ATP8A2: variants seen among roughly 807,000 people sequenced by gnomAD.
ATP8A2 encodes the protein phospholipid-transporting ATPase IB.
ATP8A2 carries 100 observed loss-of-function variants against 165.6 expected under a neutral mutation model. That is an observed-to-expected ratio of 0.60 (90% CI 0.51 to 0.71). The LOEUF (loss-of-function observed/expected upper bound fraction) is 0.71. Ranked by LOEUF, ATP8A2 falls within the 30% of genes least tolerant of loss-of-function variation. The probability of loss-of-function intolerance (pLI) is 0.00; values close to 1 mark genes in which losing one functional copy is unlikely to be tolerated. For missense variants in ATP8A2, 1,227 were observed against 1,479.5 expected, an observed-to-expected ratio of 0.83 and a Z score of 2.80; for synonymous variants, 543 against 548.8, an observed-to-expected ratio of 0.99 and a Z score of 0.15.
chr13:25,689,295 T>C (rs1360331806), intron 24 of ATP8A2, among the ~76,000 whole-genome samples: 1 of 152,226 alleles, frequency 6.6e-6, no homozygotes, highest in African/African-American at 2.4e-5. Flanking sequence ...CTGCCTATGC[T>C]GACAGAACAT....
At chr13:25,890,813 G>A (rs1279350296) in intron 33 of ATP8A2, among the ~76,000 whole-genome samples, 1 of 152,178 alleles carries the variant, frequency 6.6e-6, no homozygotes, top group African/African-American at 2.4e-5. Context: ...CTGTGTTTAA[G>A]TTCTTTGGAA....
intron 1 of ATP8A2, among the ~76,000 whole-genome samples, chr13:25,440,208 A>G (rs1410225104): frequency 6.6e-6 from 1 of 152,168 alleles, no homozygotes; most frequent in African/African-American, 2.4e-5. Flanking sequence ...CACAGGCTCT[A>G]GGAATGAATC....
chr13:25,425,209 A>G (rs9553614), intron 1 of ATP8A2, among the ~76,000 whole-genome samples: 63,452 of 151,988 alleles, frequency 0.42, 14,289 homozygotes, highest in East Asian at 0.59. Context: ...TTATACTATC[A>G]TTAGAGCACT....
intron 24 of ATP8A2, among the ~76,000 whole-genome samples, chr13:25,660,814 G>A (rs1041036168): frequency 2.6e-5 from 4 of 152,072 alleles, no homozygotes; most frequent in Non-Finnish European, 2.9e-5. Flanking sequence ...AATACTATAC[G>A]TGGAAATGCT....
chr13:25,848,432 G>A (rs1439280600), intron 30 of ATP8A2, among the ~76,000 whole-genome samples: 1 of 152,196 alleles, frequency 6.6e-6, no homozygotes. Context: ...GGGGTGCTGG[G>A]GGATATCACT....
At chr13:25,492,885 T>C (rs1307190143) in intron 2 of ATP8A2, among the ~76,000 whole-genome samples, 1 of 152,108 alleles carries the variant, frequency 6.6e-6, no homozygotes, top group Non-Finnish European at 1.5e-5. Flanking sequence ...GACATGGAGG[T>C]GGTCCAAGGA....
chr13:25,615,502 C>G (rs1281361255), intron 24 of ATP8A2, among the ~76,000 whole-genome samples: 1 of 152,172 alleles, frequency 6.6e-6, no homozygotes, highest in African/African-American at 2.4e-5. Flanking sequence ...TCACACTTCC[C>G]CATCTGCCAT....
Position 26,020,158 on chromosome 13 carries a change from C to A in ATP8A2, c.*173C>A. ...CATATTCCCTCGCAAACCTGGAGTG[C>A]AGACCACAGGGGAAGCTATCTTTGC... On this transcript the variant is annotated 3_prime_UTR_variant, in exon 37 of 37. Transcript: ENST00000381655. 1 of 610,822 alleles carries A rather than the reference C, an allele frequency of 1.6e-6. No homozygotes were observed. The allele number at this position is 610,822 out of a possible 1,614,324, so 37.8% of individuals were successfully genotyped here.
intron 25 of ATP8A2, among the ~76,000 whole-genome samples, chr13:25,729,383 C>T (rs529384649): frequency 1.2e-3 from 183 of 152,324 alleles, no homozygotes; most frequent in Non-Finnish European, 2.0e-3. Context: ...TGAGGCATGG[C>T]CAGGCCAGGT....
At chr13:25,415,077 T>C (rs2034094234) in intron 1 of ATP8A2, among the ~76,000 whole-genome samples, 1 of 152,238 alleles carries the variant, frequency 6.6e-6, no homozygotes, top group African/African-American at 2.4e-5. Context: ...CAACTGAGAC[T>C]GTGACAGCAA....
chr13:25,412,093 G>A (rs963509708), intron 1 of ATP8A2, among the ~76,000 whole-genome samples: 18 of 152,178 alleles, frequency 1.2e-4, no homozygotes, highest in African/African-American at 4.3e-4. Flanking sequence ...TAAACAGAAA[G>A]TTCCTTTGGC....
intron 33 of ATP8A2, among the ~76,000 whole-genome samples, chr13:25,910,924 A>AT (rs35021710): frequency 0.22 from 30,843 of 142,756 alleles, 3,389 homozygotes; most frequent in Non-Finnish European, 0.26. Flanking sequence ...ATCCCTCTCA[A>AT]TTTTTTTTTT....
At chr13:25,525,192 A>C (rs1177809423) in intron 2 of ATP8A2, among the ~76,000 whole-genome samples, 1 of 152,020 alleles carries the variant, frequency 6.6e-6, no homozygotes, top group Non-Finnish European at 1.5e-5. Flanking sequence ...CTGTGTTTTA[A>C]CTCTATCTCC....
intron 1 of ATP8A2, among the ~76,000 whole-genome samples, chr13:25,402,764 T>TG (rs1280586694): frequency 6.6e-6 from 1 of 152,184 alleles, no homozygotes; most frequent in African/African-American, 2.4e-5. Flanking sequence ...TGAAAGGGCT[T>TG]GAGGCAGCAA....
At chr13:25,768,918 G>A in intron 25 of ATP8A2, 128 bp from the exon 26 acceptor site, 1 of 880,488 alleles carries the variant, frequency 1.1e-6, no homozygotes, top group South Asian at 1.4e-5. Context: ...TTGCACATGA[G>A]CATAAAATGG....
chr13:25,776,398 G>A (rs772532570), intron 27 of ATP8A2, among the ~76,000 whole-genome samples: 3 of 152,242 alleles, frequency 2.0e-5, no homozygotes, highest in Non-Finnish European at 4.4e-5. Context: ...AAAATACACA[G>A]CAGAGGCTTG....
intron 33 of ATP8A2, among the ~76,000 whole-genome samples, chr13:25,924,012 A>G (rs1432353644): frequency 6.6e-6 from 1 of 152,202 alleles, no homozygotes; most frequent in Non-Finnish European, 1.5e-5. Context: ...GCTGAGATGG[A>G]TGGGGAAACC....
At position 25,616,735 on chromosome 13, in the gene ATP8A2, C is replaced by G. The variant is rs2040836768; in HGVS notation, c.2211+27036C>G. 2.0e-5 allele frequency among the ~76,000 whole-genome samples: 3 copies of G among 152,272 alleles called. 1 individual carries two copies. The highest frequency in any genetic ancestry group is 7.2e-5 in the African/African-American group (3 of 41,570). Reference sequence around the variant, plus strand: ...AGGAGATGATACTTCTAGGATGCTTCAATTTCAGCAACATTCATTTTCTTT... The same window carrying G: ...AGGAGATGATACTTCTAGGATGCTTGAATTTCAGCAACATTCATTTTCTTT... On this transcript the variant is annotated intron_variant, in intron 24 of 36. Transcript: ENST00000381655.
At chr13:25,450,400 A>G (rs1218663866) in intron 1 of ATP8A2, among the ~76,000 whole-genome samples, 2 of 152,192 alleles carry the variant, frequency 1.3e-5, no homozygotes, top group African/African-American at 4.8e-5. Flanking sequence ...GAATCACCAC[A>G]CTGGCTTCCA....
Sources: gnomAD v4.1 joint callset for allele counts (sites outside exome capture counted in the v4.1 genomes callset) on GRCh38, gnomAD v4.1.1 for gene constraint, MANE v1.5 for transcripts, NCBI Gene and HGNC (gene_info 2026-07-23, HGNC 2026-07-21) for gene names.